Variants in COL6A6 observed in about 807,000 individuals in gnomAD.
COL6A6 encodes the protein collagen type VI alpha 6 chain.
A neutral mutation model predicts 208.6 loss-of-function variants in COL6A6; 183 were observed. That is an observed-to-expected ratio of 0.88 (90% confidence interval 0.78 to 0.99). The LOEUF (loss-of-function observed/expected upper bound fraction) is 0.99, where lower values mean the gene tolerates loss of function less well. Ranked by LOEUF, COL6A6 falls within the 50% of genes least tolerant of loss-of-function variation. The pLI, the probability that COL6A6 is intolerant of heterozygous loss-of-function variation, is 0.00. For missense variants in COL6A6, 2,816 were observed against 2,815.2 expected (o/e 1.00, Z -0.01); for synonymous variants, 973 against 1,011.8 (o/e 0.96, Z 0.73).
Position 130,574,002 on chromosome 3 carries a change from A to G in COL6A6, c.3024A>G (p.Ser1008=). 2.5e-6 allele frequency: 4 copies of G among 1,613,730 alleles called. No homozygotes were observed. Among genetic ancestry groups the G allele is most frequent in the Non-Finnish European group, 3.4e-6 (4 of 1,179,686 alleles). The change falls in exon 8 of 37, where the codon TCA becomes TCG. Residue 1008 remains serine (S), a synonymous_variant. Coordinates refer to ENST00000358511, the MANE Select transcript of COL6A6 (RefSeq NM_001102608.3). ...KVDLVFLMDG[S]TSIQPNDFKK... ...ATCTTGTTTTCCTTATGGATGGTTC[A>G]ACTAGCATTCAGCCAAATGACTTCA...
In COL6A6 at chr3:130,658,507, A is replaced by G. The variant is rs74852592; in HGVS notation, c.5734-169A>G. Among the ~76,000 whole-genome samples the G allele has an allele frequency of 5.2e-3, 796 of 152,324 alleles. 5 individuals are homozygous for G. The highest frequency in any genetic ancestry group is 0.018 in the African/African-American group (738 of 41,566). ...TGTCATATAGTTAAATTGAGAGTCA[A>G]GGTTTAAACCCAGACAGAGCTCTTA... On this transcript the variant is annotated intron_variant, in intron 33 of 36. Coordinates refer to ENST00000358511, the MANE Select transcript of COL6A6 (RefSeq NM_001102608.3).
At chr3:130,545,384 G>T (rs574684079) in intron 1 of COL6A6, among the ~76,000 whole-genome samples, 157 of 151,726 alleles carry the variant, frequency 1.0e-3, no homozygotes, top group African/African-American at 3.6e-3. Flanking sequence ...GATTTCTGAG[G>T]AGAAGTTGAA....
At chr3:130,533,319 TG>T (rs1233880243) in intron 1 of COL6A6, among the ~76,000 whole-genome samples, 2 of 149,652 alleles carry the variant, frequency 1.3e-5, no homozygotes, top group African/African-American at 5.0e-5. Flanking sequence ...TTAATAACAA[TG>T]GATTTCATCA....
intron 23 of COL6A6, among the ~76,000 whole-genome samples, chr3:130,615,216 G>A (rs2064481777): frequency 6.6e-6 from 1 of 152,160 alleles, no homozygotes; most frequent in Non-Finnish European, 1.5e-5. Context: ...TCAGGAGCAG[G>A]TTGTTTAACT....
chr3:130,591,180 G>GA (rs1464438863), intron 13 of COL6A6, 86 bp downstream of exon 13: 1 of 945,030 alleles, frequency 1.1e-6, no homozygotes, highest in Non-Finnish European at 1.7e-6. Flanking sequence ...GGGGAAGCAA[G>GA]AAAGGTGAGA....
intron 24 of COL6A6, 102 bp downstream of exon 24, chr3:130,621,985 A>AT (rs2064733713): frequency 1.0e-6 from 1 of 986,032 alleles, no homozygotes; most frequent in African/African-American, 1.6e-5. Context: ...ACAAGAACAC[A>AT]TTTTCTGGTC....
intron 1 of COL6A6, among the ~76,000 whole-genome samples, chr3:130,545,029 A>G (rs2062458851): frequency 6.6e-6 from 1 of 152,098 alleles, no homozygotes; most frequent in Non-Finnish European, 1.5e-5. Context: ...ATGTATGCCC[A>G]TCTATTTTTT....
chr3:130,570,860 A>G lies in COL6A6; in HGVS notation c.2444A>G (p.Asp815Gly). The change falls in exon 7 of 37, where the codon GAT becomes GGT. Residue 815 changes from aspartate to glycine, a missense_variant. Transcript: ENST00000358511. The stretch of plus-strand genomic sequence containing the variant: ...GTTTTAGACGTTGTGTTTGTCATTG[A>G]TAGCTCTGGCAGTATTGACTATGAT... The part of the protein sequence containing the change: ...IEVLDVVFVI[D>G]SSGSIDYDEY... The G allele has an allele frequency of 2.5e-6, 4 of 1,613,722 alleles. No individual in the cohort carries two copies. Among genetic ancestry groups the G allele is most frequent in the Non-Finnish European group, 1.7e-6 (2 of 1,179,740 alleles).
At position 130,581,618 on chromosome 3, in the gene COL6A6, C is replaced by T; in HGVS notation, c.3605C>T (p.Thr1202Ile). The T allele has an allele frequency of 6.2e-7, 1 of 1,613,822 alleles. No individual in the cohort carries two copies. Among genetic ancestry groups the T allele is most frequent in the Non-Finnish European group, 8.5e-7 (1 of 1,179,766 alleles). ...GTCTCAACTCAGGAGAAAGGGCAGACTTTGCTTGAAGGTCAGCCTTGGATG... is the reference window on the plus strand; with the variant it reads ...GTCTCAACTCAGGAGAAAGGGCAGATTTTGCTTGAAGGTCAGCCTTGGATG... ...FDVSTQEKGQ[T>I]LLEGQPWMET... The change falls in exon 9 of 37, where the codon ACT becomes ATT. Residue 1202 changes from threonine (T) to isoleucine (I), a missense_variant. Coordinates refer to ENST00000358511, the MANE Select transcript of COL6A6 (RefSeq NM_001102608.3).
intron 26 of COL6A6, among the ~76,000 whole-genome samples, chr3:130,627,828 C>A (rs1490891351): frequency 6.6e-6 from 1 of 152,184 alleles, no homozygotes; most frequent in Admixed American, 6.5e-5. Context: ...GATATTGTCA[C>A]TGAATATTTA....
intron 1 of COL6A6, among the ~76,000 whole-genome samples, chr3:130,545,378 T>A (rs2107771073): frequency 1.3e-5 from 2 of 152,314 alleles, no homozygotes; most frequent in Admixed American, 1.3e-4. Context: ...TTTCATGATT[T>A]CTGAGGAGAA....
intron 33 of COL6A6, among the ~76,000 whole-genome samples, chr3:130,652,891 A>G (rs1440549829): frequency 2.6e-5 from 4 of 152,234 alleles, no homozygotes; most frequent in Non-Finnish European, 2.9e-5. Flanking sequence ...TAAGTAGTCC[A>G]TCATGAAATT....
At chr3:130,608,055 A>G (rs770057529) in intron 21 of COL6A6, among the ~76,000 whole-genome samples, 7 of 152,146 alleles carry the variant, frequency 4.6e-5, no homozygotes, top group Non-Finnish European at 8.8e-5. Flanking sequence ...ACCTCTTTAT[A>G]AAGGCACTAA....
chr3:130,529,685 G>T (rs1344644754), intron 1 of COL6A6, among the ~76,000 whole-genome samples: 1 of 152,054 alleles, frequency 6.6e-6, no homozygotes, highest in Non-Finnish European at 1.5e-5. Context: ...TATCTTTCCT[G>T]GTCCACACCC....
intron 8 of COL6A6, among the ~76,000 whole-genome samples, chr3:130,579,476 G>GC: frequency 6.6e-6 from 1 of 152,108 alleles, no homozygotes; most frequent in Non-Finnish European, 1.5e-5. Flanking sequence ...TCACAGACTT[G>GC]CCCCCCAGGA....
At position 130,568,355 on chromosome 3, in the gene COL6A6, G is replaced by C. The variant is rs373191962; in HGVS notation, c.2152G>C (p.Ala718Pro). Residue 718 changes from alanine to proline, a missense_variant, in exon 6 of 37, where the codon GCC becomes CCC. Coordinates refer to ENST00000358511, the MANE Select transcript of COL6A6 (RefSeq NM_001102608.3). ...TCAGTACTTCAGCCCCACCAAGGGC[G>C]CCCGGCCCAACATCAGAAAGTTTCT... Reference protein sequence around the residue: ...VSQYFSPTKGARPNIRKFLIL... With the variant: ...VSQYFSPTKGPRPNIRKFLIL... 6.2e-7 allele frequency: 1 copy of C among 1,613,812 alleles called. No homozygotes were observed. Among genetic ancestry groups the C allele is most frequent in the African/African-American group, 1.3e-5 (1 of 74,882 alleles).
At chr3:130,668,687 A>C (rs2066136936) in intron 36 of COL6A6, among the ~76,000 whole-genome samples, 1 of 152,200 alleles carries the variant, frequency 6.6e-6, no homozygotes, top group South Asian at 2.1e-4. Flanking sequence ...CAAAGTGTTC[A>C]ATTTATGAGG....
Position 130,563,157 on chromosome 3 carries a change from A to G in COL6A6, c.154A>G (p.Lys52Glu). ...CCCATTTGTGAAAATGTTCATCACC[A>G]AAATGATCAGCAGTCTCCCCATAGA... ...SFPFVKMFITKMISSLPIEAD... is the reference protein window; with the variant it reads ...SFPFVKMFITEMISSLPIEAD... Residue 52 changes from lysine to glutamate, a missense_variant, in exon 3 of 37, where the codon AAA (lysine) becomes GAA (glutamate). Lys to Glu is a moderately conservative substitution (Grantham distance 56). Transcript: ENST00000358511. The G allele has an allele frequency of 6.2e-7, 1 of 1,614,022 alleles. No individual in the cohort carries two copies. The highest frequency in any genetic ancestry group is 8.5e-7 in the Non-Finnish European group (1 of 1,179,888).
intron 29 of COL6A6, among the ~76,000 whole-genome samples, 155 bp downstream of exon 29, chr3:130,641,869 A>G (rs2065320923): frequency 6.6e-6 from 1 of 152,176 alleles, no homozygotes; most frequent in Admixed American, 6.5e-5. Flanking sequence ...TACTGATTAA[A>G]TATTTAGAGG....
Sources: allele counts gnomAD v4.1 joint callset (sites outside exome capture counted in the v4.1 genomes callset), GRCh38; gene constraint gnomAD v4.1.1; transcripts MANE v1.5; gene names NCBI Gene and HGNC (gene_info 2026-07-23, HGNC 2026-07-21).